The following KDM6A variants were observed in gnomAD, a reference collection of about 807,000 sequenced individuals.
KDM6A encodes lysine-specific demethylase 6A.
KDM6A carries 11 observed loss-of-function variants against 117.6 expected under a neutral mutation model. That is an observed-to-expected ratio of 0.09 (90% CI 0.06 to 0.15). KDM6A has a LOEUF of 0.15. Among genes scored for constraint, KDM6A ranks in the 10% least tolerant of loss-of-function variants. The pLI is 1.00. For missense variants in KDM6A, 799 were observed against 1,077.3 expected (o/e 0.74, Z 3.62); for synonymous variants, 384 against 396.1 (o/e 0.97, Z 0.36).
intron 2 of KDM6A, among the ~76,000 whole-genome samples, chrX:44,877,033 G>A (rs2031702202): frequency 9.0e-6 from 1 of 111,725 alleles, no homozygotes; most frequent in Non-Finnish European, 1.9e-5. Context: ...ATATATACAT[G>A]TATATACATA....
intron 4 of KDM6A, among the ~76,000 whole-genome samples, chrX:45,005,030 C>A (rs948722064): frequency 3.6e-5 from 4 of 110,956 alleles, no homozygotes; most frequent in Non-Finnish European, 5.7e-5. Flanking sequence ...GTGGCCCCCC[C>A]CTCCTTATGG....
intron 8 of KDM6A, among the ~76,000 whole-genome samples, chrX:45,045,727 G>C (rs2043503785): frequency 1.8e-5 from 2 of 110,274 alleles, no homozygotes; most frequent in Admixed American, 1.9e-4. Context: ...ATATTCCATT[G>C]TATGGATACA....
In KDM6A at chrX:45,046,215, A is replaced by G. The variant is rs2043531075; in HGVS notation, c.655-5494A>G. Among the ~76,000 whole-genome samples, 4 of 112,013 alleles carry G rather than the reference A, an allele frequency of 3.6e-5. No individual in the cohort carries two copies. The South Asian group carries it at 1.5e-3, about 41-fold the overall frequency. On this transcript the variant is annotated intron_variant, in intron 8 of 29. Transcript: ENST00000611820. ...AAGGTAAAGTCAAATTATTATCACCATAGATTCTGAAAAAATCTTTAAATT... is the reference window on the plus strand; with the variant it reads ...AAGGTAAAGTCAAATTATTATCACCGTAGATTCTGAAAAAATCTTTAAATT...
intron 12 of KDM6A, 44 bp downstream of exon 12, chrX:45,059,510 C>A: frequency 1.1e-6 from 1 of 938,574 alleles, no homozygotes. Flanking sequence ...CATATTTCCC[C>A]AGAACACTCA....
chrX:44,963,459 G>GTC (rs1384946242), intron 3 of KDM6A, among the ~76,000 whole-genome samples: 1 of 29,032 alleles, frequency 3.4e-5, no homozygotes, highest in African/African-American at 8.6e-5. Context: ...GTGTGTGTGT[G>GTC]TGTGTGTGTG....
At chrX:45,005,460 C>A (rs867140554) in intron 4 of KDM6A, among the ~76,000 whole-genome samples, 1 of 111,361 alleles carries the variant, frequency 9.0e-6, no homozygotes, top group Middle Eastern at 4.6e-3. Flanking sequence ...GAGGGCATAG[C>A]CTAGTTCTTC....
chrX:44,954,721 T>G (rs771901967), intron 2 of KDM6A, among the ~76,000 whole-genome samples: 2 of 110,960 alleles, frequency 1.8e-5, no homozygotes, highest in African/African-American at 3.3e-5. Flanking sequence ...CTCACTGTTA[T>G]AGGCAGTAGG....
chrX:45,063,940 T>A, intron 17 of KDM6A, 123 bp downstream of exon 17: 1 of 620,790 alleles, frequency 1.6e-6, no homozygotes. Context: ...TTTGTGGCAC[T>A]ACAATGTTAC....
At chrX:44,941,311 C>G (rs1308745745) in intron 2 of KDM6A, among the ~76,000 whole-genome samples, 1 of 110,590 alleles carries the variant, frequency 9.0e-6, no homozygotes, top group African/African-American at 3.3e-5. Flanking sequence ...TTTAGAGACT[C>G]CAGTTGTCTG....
intron 2 of KDM6A, among the ~76,000 whole-genome samples, chrX:44,944,328 G>T (rs1384515114): frequency 9.0e-6 from 1 of 111,344 alleles, no homozygotes; most frequent in Non-Finnish European, 1.9e-5. Context: ...CTCCAGCCTG[G>T]GCAACAGAGT....
Position 45,061,369 on chromosome X carries a change from C to G in KDM6A, c.1531C>G (p.Pro511Ala), listed in dbSNP as rs1345092186. ...WSGGHAVSHP[P>A]VQQQAHSWCL... ...TGGTGGACATGCTGTGTCACATCCT[C>G]CAGTACAGCAACAAGCTCATTCATG... Residue 511 changes from proline to alanine, a missense_variant, in exon 15 of 30, where the codon CCA (proline) becomes GCA (alanine). Physicochemically the swap from Pro to Ala is conservative, Grantham distance 27 (BLOSUM62 -1). Transcript: ENST00000611820. 1 of 1,186,835 alleles carries G rather than the reference C, an allele frequency of 8.4e-7. No individual in the cohort carries two copies. Among genetic ancestry groups the G allele is most frequent in the Non-Finnish European group, 1.1e-6 (1 of 875,460 alleles).
intron 2 of KDM6A, among the ~76,000 whole-genome samples, chrX:44,949,487 T>TTTAA (rs1556001825): frequency 3.6e-5 from 4 of 111,079 alleles, no homozygotes; most frequent in African/African-American, 1.3e-4. Flanking sequence ...TTTTTTTTTT[T>TTTAA]TAAAGCACTT....
chrX:45,095,468 G>A (rs573532523), intron 27 of KDM6A, among the ~76,000 whole-genome samples: 5 of 111,291 alleles, frequency 4.5e-5, no homozygotes, highest in Non-Finnish European at 7.5e-5. Context: ...AAAGAAATAC[G>A]TGAGCTATAT....
intron 4 of KDM6A, among the ~76,000 whole-genome samples, chrX:44,976,137 A>G (rs1337971301): frequency 9.0e-6 from 1 of 111,724 alleles, no homozygotes; most frequent in Non-Finnish European, 1.9e-5. Context: ...GGGGCAAAAA[A>G]TCCTGCATCA....
At chrX:44,879,998 C>A (rs1414224512) in intron 2 of KDM6A, among the ~76,000 whole-genome samples, 1 of 109,431 alleles carries the variant, frequency 9.1e-6, no homozygotes, top group African/African-American at 3.3e-5. Flanking sequence ...TATGGTGAAA[C>A]CACGTCTCTA....
chrX:45,045,054 T>G (rs990459602), intron 8 of KDM6A, among the ~76,000 whole-genome samples: 1 of 111,841 alleles, frequency 8.9e-6, no homozygotes, highest in Non-Finnish European at 1.9e-5. Flanking sequence ...GATAAATATG[T>G]AGGGTTTATT....
chrX:44,930,001 A>G (rs1374335280), intron 2 of KDM6A, among the ~76,000 whole-genome samples: 1 of 111,076 alleles, frequency 9.0e-6, no homozygotes, highest in Non-Finnish European at 1.9e-5. Flanking sequence ...TAGACATTCT[A>G]ATGTGTGGTG....
At chrX:44,925,396 G>A (rs1382510553) in intron 2 of KDM6A, among the ~76,000 whole-genome samples, 5 of 111,577 alleles carry the variant, frequency 4.5e-5, no homozygotes, top group African/African-American at 6.5e-5. Flanking sequence ...TCAATGCCTT[G>A]TATTGTGTCT....
intron 2 of KDM6A, among the ~76,000 whole-genome samples, chrX:44,916,485 G>A (rs1252236944): frequency 9.0e-6 from 1 of 110,786 alleles, no homozygotes; most frequent in Admixed American, 9.7e-5. Context: ...TGCTTTGGCT[G>A]CCTTTACTGT....
Sources: gnomAD v4.1 joint callset for allele counts (sites outside exome capture counted in the v4.1 genomes callset) on GRCh38, gnomAD v4.1.1 for gene constraint, MANE v1.5 for transcripts, NCBI Gene and HGNC (gene_info 2026-07-23, HGNC 2026-07-21) for gene names.